The following MOB3B variants were observed in gnomAD, a reference collection of about 807,000 sequenced individuals.
MOB3B encodes the protein MOB kinase activator-like 2B.
A neutral mutation model predicts 18.7 loss-of-function variants in MOB3B; 7 were observed. The observed-to-expected ratio is 0.37, with a 90% CI of 0.21 to 0.70. The LOEUF (loss-of-function observed/expected upper bound fraction) is 0.70. MOB3B is among the 30% of genes least tolerant of loss of function. The pLI is 0.52. For synonymous variants in MOB3B, 111 were observed against 99.9 expected, an observed-to-expected ratio of 1.11 and a Z score of -0.66; for missense variants, 253 against 281.3, an observed-to-expected ratio of 0.90 and a Z score of 0.72.
rs58851638 is a variant in MOB3B at position 27,357,888 on chromosome 9, C to CAAAAAA, written c.621+1140_621+1145dup. Among the ~76,000 whole-genome samples, 66 of 57,960 alleles carry CAAAAAA rather than the reference C, an allele frequency of 1.1e-3. 4 individuals are homozygous for CAAAAAA. Among genetic ancestry groups the CAAAAAA allele is most frequent in the Admixed American group, 2.0e-3 (7 of 3,574 alleles). 38.0% of individuals were successfully genotyped at this position (57,960 alleles called of 152,430 possible). A position where few individuals can be genotyped will look rare whatever the true frequency, so the allele number is the denominator to read the frequency against. On this transcript the variant is annotated intron_variant, in intron 3 of 3. Coordinates refer to ENST00000262244, the MANE Select transcript of MOB3B (RefSeq NM_024761.5). ...TCAACATAATGAGATCCCATCGCTA[C>CAAAAAA]AAAAAAAAAAAAAAAAAAAAAAAAA... is the stretch of plus-strand genomic sequence containing the variant.
At chr9:27,390,203 T>G (rs924753611) in intron 2 of MOB3B, among the ~76,000 whole-genome samples, 2 of 152,104 alleles carry the variant, frequency 1.3e-5, no homozygotes, top group African/African-American at 4.8e-5. Context: ...TTCTCTTGCC[T>G]CAGCCTCCTG....
intron 2 of MOB3B, among the ~76,000 whole-genome samples, chr9:27,377,359 G>A (rs1379313262): frequency 6.6e-6 from 1 of 152,184 alleles, no homozygotes; most frequent in Non-Finnish European, 1.5e-5. Flanking sequence ...ATGAGACGAT[G>A]AGTCATTCTC....
chr9:27,393,208 C>T (rs549035597), intron 2 of MOB3B, among the ~76,000 whole-genome samples: 90 of 152,236 alleles, frequency 5.9e-4, no homozygotes, highest in Non-Finnish European at 1.1e-3. Flanking sequence ...AAAAGGCTGT[C>T]TAGGTCAGTT....
intron 2 of MOB3B, among the ~76,000 whole-genome samples, chr9:27,429,677 G>T (rs561945650): frequency 3.9e-4 from 59 of 152,132 alleles, no homozygotes; most frequent in Non-Finnish European, 2.5e-4. Context: ...GTACTCAGAT[G>T]GATGCTGTGG....
intron 1 of MOB3B, among the ~76,000 whole-genome samples, chr9:27,529,076 C>T (rs1335218354): frequency 6.6e-6 from 1 of 152,150 alleles, no homozygotes; most frequent in Non-Finnish European, 1.5e-5. Flanking sequence ...CTACGCTGCC[C>T]CAAGCCGAGA....
intron 2 of MOB3B, among the ~76,000 whole-genome samples, chr9:27,373,008 T>G (rs949802505): frequency 6.6e-6 from 1 of 152,202 alleles, no homozygotes; most frequent in Non-Finnish European, 1.5e-5. Flanking sequence ...AAGAAAATGT[T>G]TATATTAAGA....
chr9:27,425,607 A>T (rs1459049885), intron 2 of MOB3B, among the ~76,000 whole-genome samples: 1 of 152,218 alleles, frequency 6.6e-6, no homozygotes, highest in Non-Finnish European at 1.5e-5. Flanking sequence ...GAATACAAAT[A>T]GTTTCATGCA....
intron 3 of MOB3B, among the ~76,000 whole-genome samples, chr9:27,333,200 G>A (rs1052647254): frequency 7.2e-5 from 11 of 152,012 alleles, no homozygotes; most frequent in African/African-American, 2.7e-4. Context: ...CTGTTTCCTG[G>A]GATGCCTCTT....
At chr9:27,353,994 C>T (rs913945051) in intron 3 of MOB3B, among the ~76,000 whole-genome samples, 22 of 152,256 alleles carry the variant, frequency 1.4e-4, no homozygotes, top group Non-Finnish European at 4.4e-5. Flanking sequence ...GTTGCATTTA[C>T]ATGAGCAATG....
At chr9:27,409,879 T>C (rs1178448190) in intron 2 of MOB3B, among the ~76,000 whole-genome samples, 1 of 151,448 alleles carries the variant, frequency 6.6e-6, no homozygotes, top group Non-Finnish European at 1.5e-5. Flanking sequence ...ACAGAAAAAT[T>C]CAGAGAGACA....
intron 1 of MOB3B, among the ~76,000 whole-genome samples, chr9:27,499,068 C>A (rs1326525776): frequency 6.6e-6 from 1 of 152,186 alleles, no homozygotes; most frequent in Non-Finnish European, 1.5e-5. Flanking sequence ...AATTTAAATT[C>A]TAAACCACCT....
chr9:27,467,645 G>A (rs952141447), intron 1 of MOB3B, among the ~76,000 whole-genome samples: 32 of 152,236 alleles, frequency 2.1e-4, no homozygotes, highest in African/African-American at 7.5e-4. Context: ...CATCGCCCCA[G>A]GGCAAGTGGA....
intron 2 of MOB3B, among the ~76,000 whole-genome samples, chr9:27,380,231 G>A (rs1005893240): frequency 1.3e-5 from 2 of 151,726 alleles, no homozygotes; most frequent in African/African-American, 4.8e-5. Flanking sequence ...CAAAGTTCTG[G>A]GGAGGGGCCA....
rs1351890877 is a variant in MOB3B at position 27,327,860 on chromosome 9, G to A, written c.*2727C>T. The A allele has an allele frequency of 6.6e-6, 1 of 152,020 alleles. No individual in the cohort carries two copies. The highest frequency in any genetic ancestry group is 1.5e-5 in the Non-Finnish European group (1 of 68,008). The allele number at this position is 152,020 out of a possible 1,614,324, so 9.4% of individuals were successfully genotyped here. ...TTATTAAAAGAAAGAATATGATGAA[G>A]TATTTTACATTTTCATGATGTCTGC... is the stretch of plus-strand genomic sequence containing the variant. On this transcript the variant is annotated 3_prime_UTR_variant, in exon 4 of 4. Coordinates refer to ENST00000262244, the MANE Select transcript of MOB3B (RefSeq NM_024761.5).
At chr9:27,388,062 C>G (rs1334479133) in intron 2 of MOB3B, among the ~76,000 whole-genome samples, 1 of 152,160 alleles carries the variant, frequency 6.6e-6, no homozygotes, top group Non-Finnish European at 1.5e-5. Flanking sequence ...TTTAACAATG[C>G]ACAGGACAGC....
intron 2 of MOB3B, among the ~76,000 whole-genome samples, chr9:27,438,715 C>T (rs147136486): frequency 1.3e-5 from 2 of 152,240 alleles, no homozygotes; most frequent in East Asian, 3.9e-4. Flanking sequence ...ACACTTGCGG[C>T]GCCTGAAATA....
chr9:27,336,490 C>T (rs916070027), intron 3 of MOB3B, among the ~76,000 whole-genome samples: 1 of 152,090 alleles, frequency 6.6e-6, no homozygotes, highest in African/African-American at 2.4e-5. Flanking sequence ...ATGTAGAAGG[C>T]TCCGCAGTGT....
intron 2 of MOB3B, among the ~76,000 whole-genome samples, chr9:27,371,449 G>A (rs564241008): frequency 6.6e-6 from 1 of 152,340 alleles, no homozygotes; most frequent in South Asian, 2.1e-4. Flanking sequence ...GCAGCACTGA[G>A]CAAGAAATGG....
chr9:27,460,195 G>A (rs566740580), intron 1 of MOB3B, among the ~76,000 whole-genome samples: 1 of 152,310 alleles, frequency 6.6e-6, no homozygotes, highest in East Asian at 1.9e-4. Flanking sequence ...ATACTGATGT[G>A]ACTCCTTCAG....
Sources: gnomAD v4.1 joint callset for allele counts (sites outside exome capture counted in the v4.1 genomes callset) on GRCh38, gnomAD v4.1.1 for gene constraint, MANE v1.5 for transcripts, NCBI Gene and HGNC (gene_info 2026-07-23, HGNC 2026-07-21) for gene names.